The following NTM variants were observed in gnomAD, a reference collection of about 807,000 sequenced individuals.
NTM encodes IgLON family member 2.
A neutral mutation model predicts 42.1 loss-of-function variants in NTM; 13 were observed. That is an observed-to-expected ratio of 0.31 (90% CI 0.20 to 0.49). The LOEUF is 0.49. NTM is among the 20% of genes least tolerant of loss of function. The pLI is 0.99. For synonymous variants in NTM, 187 were observed against 179.2 expected (o/e 1.04, Z -0.35); for missense variants, 373 against 452.8 (o/e 0.82, Z 1.60).
intron 1 of NTM, among the ~76,000 whole-genome samples, chr11:131,791,927 C>T (rs1218930087): frequency 6.6e-6 from 1 of 152,052 alleles, no homozygotes; most frequent in Admixed American, 6.6e-5. Context: ...AGTGTCTATC[C>T]CATAGGACTG....
intron 1 of NTM, among the ~76,000 whole-genome samples, chr11:131,440,426 A>C (rs1949519775): frequency 1.3e-5 from 2 of 152,110 alleles, no homozygotes; most frequent in African/African-American, 2.4e-5. Context: ...TTTTTCAGAG[A>C]AAACTTCCAA....
chr11:131,497,877 A>G lies in NTM; in HGVS notation c.82+126989A>G, dbSNP rs142455609. On this transcript the variant is annotated intron_variant, in intron 1 of 8. Transcript: ENST00000683400. ...ATCCTTAGTCACCTGTTCTGTAACC[A>G]TCCCTCCTGCCAAAACTACTCACCT... Among the ~76,000 whole-genome samples, 22 of 152,170 alleles carry G rather than the reference A, an allele frequency of 1.4e-4. 1 individual carries two copies. Among genetic ancestry groups the G allele is most frequent in the African/African-American group, 5.1e-4 (21 of 41,512 alleles).
At chr11:131,663,947 A>G (rs1215999716) in intron 1 of NTM, among the ~76,000 whole-genome samples, 1 of 152,220 alleles carries the variant, frequency 6.6e-6, no homozygotes, top group African/African-American at 2.4e-5. Context: ...GCTTGTGTCT[A>G]TCTGACTACA....
chr11:131,653,746 C>T (rs942562240), intron 1 of NTM, among the ~76,000 whole-genome samples: 40 of 152,264 alleles, frequency 2.6e-4, no homozygotes, highest in African/African-American at 8.9e-4. Flanking sequence ...ACCAAAGCAC[C>T]CCCTCAGAGG....
chr11:131,856,701 C>T (rs892183861), intron 1 of NTM, among the ~76,000 whole-genome samples: 2 of 152,166 alleles, frequency 1.3e-5, no homozygotes, highest in East Asian at 3.8e-4. Flanking sequence ...TAGATTCAAG[C>T]GCCCTTTGAA....
chr11:132,040,121 G>A (rs2076998107), intron 2 of NTM, among the ~76,000 whole-genome samples: 1 of 151,992 alleles, frequency 6.6e-6, no homozygotes, highest in Non-Finnish European at 1.5e-5. Flanking sequence ...TTAGAGACGA[G>A]ATGGGGGTTT....
chr11:132,082,490 A>T (rs1335706148), intron 2 of NTM, among the ~76,000 whole-genome samples: 1 of 152,084 alleles, frequency 6.6e-6, no homozygotes, highest in Non-Finnish European at 1.5e-5. Flanking sequence ...ATATTGATTT[A>T]TTTTCCTTAC....
intron 2 of NTM, among the ~76,000 whole-genome samples, chr11:132,108,261 C>T (rs986541497): frequency 1.3e-5 from 2 of 152,164 alleles, no homozygotes; most frequent in African/African-American, 2.4e-5. Flanking sequence ...GTCATCAAAA[C>T]GACAATAGCT....
At chr11:131,389,929 G>A (rs1332875177) in intron 1 of NTM, among the ~76,000 whole-genome samples, 1 of 152,214 alleles carries the variant, frequency 6.6e-6, no homozygotes, top group Admixed American at 6.5e-5. Flanking sequence ...AGGGGTGGAT[G>A]AGGCCACTGG....
intron 1 of NTM, among the ~76,000 whole-genome samples, chr11:131,438,829 G>A (rs186185184): frequency 6.2e-4 from 95 of 152,306 alleles, no homozygotes; most frequent in African/African-American, 2.2e-3. Context: ...TCCATTGCTG[G>A]AGAGGAACTG....
chr11:131,970,027 C>G (rs943562380), intron 2 of NTM, among the ~76,000 whole-genome samples: 6 of 152,166 alleles, frequency 3.9e-5, no homozygotes, highest in Non-Finnish European at 8.8e-5. Context: ...CCATGCTGGT[C>G]TCGAACTCCT....
At chr11:131,531,048 G>T (rs1450950325) in intron 1 of NTM, among the ~76,000 whole-genome samples, 1 of 152,174 alleles carries the variant, frequency 6.6e-6, no homozygotes, top group East Asian at 1.9e-4. Flanking sequence ...CATTTAAAGG[G>T]AACCTGTTAT....
intron 1 of NTM, among the ~76,000 whole-genome samples, chr11:131,528,466 A>T (rs529806948): frequency 2.6e-5 from 4 of 152,286 alleles, no homozygotes; most frequent in African/African-American, 9.6e-5. Context: ...AAGCTAGGGG[A>T]TGTTAAGAAA....
At chr11:132,293,400 TGA>T (rs1030868188) in intron 4 of NTM, among the ~76,000 whole-genome samples, 9 of 152,122 alleles carry the variant, frequency 5.9e-5, no homozygotes, top group African/African-American at 2.2e-4. Flanking sequence ...CGCCTGAGTA[TGA>T]GAGTGAGGTG....
At chr11:131,474,152 C>T (rs368297157) in intron 1 of NTM, among the ~76,000 whole-genome samples, 1 of 152,134 alleles carries the variant, frequency 6.6e-6, no homozygotes, top group African/African-American at 2.4e-5. Flanking sequence ...GAAATAATGA[C>T]CTCCTGTCCA....
intron 4 of NTM, among the ~76,000 whole-genome samples, chr11:132,254,228 G>A (rs1282220394): frequency 6.6e-6 from 1 of 152,074 alleles, no homozygotes; most frequent in Non-Finnish European, 1.5e-5. Context: ...CTTATCTCCT[G>A]CCTGCCCCTC....
intron 3 of NTM, among the ~76,000 whole-genome samples, chr11:132,195,273 A>G (rs2079999933): frequency 6.6e-6 from 1 of 152,168 alleles, no homozygotes; most frequent in African/African-American, 2.4e-5. Context: ...AGAATTACAA[A>G]ACACTGCTGA....
intron 1 of NTM, among the ~76,000 whole-genome samples, chr11:131,557,368 T>G (rs2055585131): frequency 1.3e-5 from 2 of 152,144 alleles, no homozygotes; most frequent in African/African-American, 4.8e-5. Flanking sequence ...GAAAGACACT[T>G]GACATTTTGT....
intron 1 of NTM, among the ~76,000 whole-genome samples, chr11:131,420,031 G>A (rs572977900): frequency 8.3e-4 from 126 of 152,234 alleles, no homozygotes; most frequent in African/African-American, 2.8e-3. Context: ...CTCCTCTCAC[G>A]TAGCAATTGC....
Sources: gnomAD v4.1 joint callset for allele counts (sites outside exome capture counted in the v4.1 genomes callset) on GRCh38, gnomAD v4.1.1 for gene constraint, MANE v1.5 for transcripts, NCBI Gene and HGNC (gene_info 2026-07-23, HGNC 2026-07-21) for gene names.